THSD7B: variants seen among roughly 807,000 people sequenced by gnomAD.
THSD7B encodes the protein thrombospondin type 1 domain containing 7B, also known as thrombospondin type-1 domain-containing protein 7B.
THSD7B carries 138 observed loss-of-function variants against 213.6 expected under a neutral mutation model. The observed-to-expected ratio is 0.65, with a 90% CI of 0.56 to 0.74. The LOEUF (loss-of-function observed/expected upper bound fraction) is 0.74. Among genes scored for constraint, THSD7B ranks in the 30% least tolerant of loss-of-function variants. The pLI is 0.00. For missense variants in THSD7B, 1,931 were observed against 1,991.5 expected (o/e 0.97, Z 0.58); for synonymous variants, 742 against 687.0 (o/e 1.08, Z -1.25).
At chr2:137,222,176 A>G (rs1381715732) in intron 7 of THSD7B, among the ~76,000 whole-genome samples, 1 of 152,198 alleles carries the variant, frequency 6.6e-6, no homozygotes, top group East Asian at 1.9e-4. Context: ...ATTTTCTATT[A>G]CCCACTTTGA....
chr2:137,499,022 C>T (rs988291378), intron 15 of THSD7B, among the ~76,000 whole-genome samples: 1 of 152,112 alleles, frequency 6.6e-6, no homozygotes, highest in Non-Finnish European at 1.5e-5. Flanking sequence ...ATCTCCCTTA[C>T]GTAATGGTGA....
At position 137,654,634 on chromosome 2, in the gene THSD7B, T is replaced by C. The variant is rs373982384; in HGVS notation, c.3946-867T>C. Among the ~76,000 whole-genome samples the C allele has an allele frequency of 2.0e-5, 3 of 152,172 alleles. No homozygotes were observed. The East Asian group carries it at 5.8e-4, about 29-fold the overall frequency. On this transcript the variant is annotated intron_variant, in intron 21 of 27. Transcript: ENST00000409968. The stretch of plus-strand genomic sequence containing the variant: ...GGCTATTGCAGATATGGAAGTCTGA[T>C]TCCCTTACCACTTACTGAGTTTTTT...
At chr2:137,084,010 A>T (rs946094012) in intron 3 of THSD7B, among the ~76,000 whole-genome samples, 3 of 152,206 alleles carry the variant, frequency 2.0e-5, no homozygotes, top group South Asian at 2.1e-4. Flanking sequence ...AATTTAGAAC[A>T]AAATTAGTAG....
chr2:137,080,673 T>C (rs1405865397), intron 3 of THSD7B, among the ~76,000 whole-genome samples: 1 of 152,164 alleles, frequency 6.6e-6, no homozygotes, highest in African/African-American at 2.4e-5. Flanking sequence ...CCTATAATTT[T>C]ATTCCACTTT....
chr2:137,373,486 T>C (rs1385174113), intron 12 of THSD7B, among the ~76,000 whole-genome samples: 2 of 152,250 alleles, frequency 1.3e-5, no homozygotes, highest in Non-Finnish European at 2.9e-5. Context: ...TTTGGCTGCA[T>C]AAATGTCTTC....
chr2:136,827,996 A>T (rs193259485), intron 1 of THSD7B, among the ~76,000 whole-genome samples: 19 of 152,080 alleles, frequency 1.2e-4, no homozygotes, highest in African/African-American at 4.6e-4. Context: ...TTATATCAGC[A>T]TGGGATATAA....
chr2:137,315,859 C>G (rs1338424738), intron 12 of THSD7B, among the ~76,000 whole-genome samples: 1 of 152,190 alleles, frequency 6.6e-6, no homozygotes, highest in East Asian at 1.9e-4. Context: ...TTTACTGATT[C>G]ATGTCTTCAC....
At chr2:137,033,103 G>A (rs1340771010) in intron 2 of THSD7B, among the ~76,000 whole-genome samples, 2 of 148,804 alleles carry the variant, frequency 1.3e-5, no homozygotes, top group African/African-American at 5.0e-5. Flanking sequence ...ACATCAGTTA[G>A]TTATTACTTG....
intron 1 of THSD7B, among the ~76,000 whole-genome samples, chr2:136,791,225 T>C (rs1196271648): frequency 6.6e-6 from 1 of 151,912 alleles, no homozygotes; most frequent in African/African-American, 2.4e-5. Context: ...AATACAAAAC[T>C]ACACTTTTTA....
intron 20 of THSD7B, among the ~76,000 whole-genome samples, chr2:137,629,077 A>C (rs1448920): frequency 0.49 from 75,197 of 152,020 alleles, 19,730 homozygotes; most frequent in African/African-American, 0.68. Context: ...AAACACAGTT[A>C]TTGGCACACT....
At chr2:137,172,979 A>T (rs920312874) in intron 7 of THSD7B, among the ~76,000 whole-genome samples, 1 of 152,054 alleles carries the variant, frequency 6.6e-6, no homozygotes, top group Non-Finnish European at 1.5e-5. Flanking sequence ...TGCAGTTTCA[A>T]CTCTGCTACT....
chr2:137,252,391 G>A (rs1275037584), intron 10 of THSD7B, among the ~76,000 whole-genome samples: 1 of 152,014 alleles, frequency 6.6e-6, no homozygotes, highest in Non-Finnish European at 1.5e-5. Flanking sequence ...ATAAATGCTG[G>A]GATTACAGTT....
intron 1 of THSD7B, among the ~76,000 whole-genome samples, chr2:136,796,249 A>G (rs1682060798): frequency 1.3e-5 from 2 of 152,014 alleles, no homozygotes; most frequent in Admixed American, 6.6e-5. Flanking sequence ...GAAAAGTTAA[A>G]GAAACTGGCA....
intron 5 of THSD7B, among the ~76,000 whole-genome samples, chr2:137,148,591 T>A (rs1017686762): frequency 1.4e-4 from 21 of 152,090 alleles, no homozygotes; most frequent in African/African-American, 4.8e-4. Context: ...TTGACCAAAA[T>A]GCTAATAAGG....
chr2:137,304,803 A>T (rs1296365412), intron 12 of THSD7B, among the ~76,000 whole-genome samples: 1 of 152,010 alleles, frequency 6.6e-6, no homozygotes, highest in Non-Finnish European at 1.5e-5. Flanking sequence ...AACATGATAT[A>T]TAGTTTTCTT....
chr2:136,775,544 G>C (rs916211733), intron 1 of THSD7B, among the ~76,000 whole-genome samples: 1 of 152,102 alleles, frequency 6.6e-6, no homozygotes, highest in South Asian at 2.1e-4. Context: ...TTTTGTTCAG[G>C]GGATAAAGAA....
chr2:137,469,525 A>T (rs1157075917), intron 15 of THSD7B, among the ~76,000 whole-genome samples: 1 of 152,174 alleles, frequency 6.6e-6, no homozygotes, highest in East Asian at 1.9e-4. Flanking sequence ...TGTTGGCCTT[A>T]ATCATCAAAT....
intron 15 of THSD7B, among the ~76,000 whole-genome samples, chr2:137,557,872 A>G (rs1412698084): frequency 6.6e-6 from 1 of 152,250 alleles, no homozygotes; most frequent in Non-Finnish European, 1.5e-5. Flanking sequence ...ATAAAAAATG[A>G]TAAGGGATAT....
chr2:137,328,220 A>C (rs1684415872), intron 12 of THSD7B, among the ~76,000 whole-genome samples: 1 of 152,218 alleles, frequency 6.6e-6, no homozygotes, highest in South Asian at 2.1e-4. Flanking sequence ...TATTTTCATT[A>C]AATTTGCTTA....
Sources: allele counts gnomAD v4.1 joint callset (sites outside exome capture counted in the v4.1 genomes callset), GRCh38; gene constraint gnomAD v4.1.1; transcripts MANE v1.5; gene names NCBI Gene and HGNC (gene_info 2026-07-23, HGNC 2026-07-21).